Variants in ARAP2 observed in about 807,000 individuals in gnomAD.
The protein encoded by ARAP2 is ArfGAP with RhoGAP domain, ankyrin repeat and PH domain 2.
Under a neutral mutation model 194.5 loss-of-function variants are expected in ARAP2, and 148 were observed. The observed-to-expected ratio is 0.76, with a 90% CI of 0.67 to 0.87. The LOEUF (loss-of-function observed/expected upper bound fraction) is 0.87, where lower values mean the gene tolerates loss of function less well. ARAP2 is among the 40% of genes least tolerant of loss of function. ARAP2 has a pLI of 0.00. For synonymous variants in ARAP2, 695 were observed against 683.5 expected, an observed-to-expected ratio of 1.02 and a Z score of -0.26; for missense variants, 2,128 against 1,989.7, an observed-to-expected ratio of 1.07 and a Z score of -1.32.
intron 8 of ARAP2, among the ~76,000 whole-genome samples, chr4:36,183,263 G>A (rs1433370434): frequency 1.4e-5 from 2 of 148,098 alleles, no homozygotes; most frequent in African/African-American, 5.0e-5. Flanking sequence ...ACTAAGGGGG[G>A]CATTCTTATG....
At chr4:36,006,369 A>T (rs890939478) in intron 10 of ARAP2, 1 of 152,222 alleles carries the variant, frequency 6.6e-6, no homozygotes, top group Non-Finnish European at 1.5e-5. Context: ...GCTGTCATAA[A>T]CACTTGAGGA....
chr4:36,147,375 A>G lies in ARAP2; in HGVS notation c.3200-16T>C. 6.2e-7 allele frequency: 1 copy of G among 1,612,100 alleles called. No homozygotes were observed. The highest frequency in any genetic ancestry group is 8.5e-7 in the Non-Finnish European group (1 of 1,178,678). On this transcript the variant is annotated splice_polypyrimidine_tract_variant and intron_variant, in intron 18 of 32. Transcript: ENST00000303965. The stretch of plus-strand genomic sequence containing the variant: ...GTGCTGATTGCTGAAGGGAGAATGA[A>G]AAGCAAAAATTTATTTTTTAAAACA...
chr4:36,084,445 C>A (rs1158207669), intron 28 of ARAP2, among the ~76,000 whole-genome samples: 1 of 151,930 alleles, frequency 6.6e-6, no homozygotes, highest in Admixed American at 6.6e-5. Flanking sequence ...GATTTTGCCA[C>A]CAAATGAGCT....
chr4:36,006,483 T>C (rs1047247636), intron 10 of ARAP2: 1 of 152,186 alleles, frequency 6.6e-6, no homozygotes, highest in Non-Finnish European at 1.5e-5. Context: ...GTAGAACTAA[T>C]AATTGAAGCA....
chr4:36,129,844 TAC>T (rs61090034), intron 20 of ARAP2, among the ~76,000 whole-genome samples: 23 of 150,748 alleles, frequency 1.5e-4, no homozygotes, highest in African/African-American at 4.9e-4. Flanking sequence ...ACATGCAACA[TAC>T]ACACACACAC....
At chr4:36,121,733 GTCAT>G (rs1156837849) in intron 22 of ARAP2, among the ~76,000 whole-genome samples, 1 of 151,656 alleles carries the variant, frequency 6.6e-6, no homozygotes, top group South Asian at 2.1e-4. Context: ...AAAAAGGTAG[GTCAT>G]TAGACATATA....
chr4:36,182,902 A>G (rs1308730093), intron 8 of ARAP2, among the ~76,000 whole-genome samples: 4 of 152,176 alleles, frequency 2.6e-5, no homozygotes, highest in East Asian at 1.9e-4. Context: ...CCATGTTGGC[A>G]TGTCAAGTAG....
At chr4:36,091,731 C>A in intron 28 of ARAP2, 150 bp downstream of exon 28, 1 of 858,758 alleles carries the variant, frequency 1.2e-6, no homozygotes, top group Non-Finnish European at 1.6e-6. Flanking sequence ...GCATTAATAT[C>A]TTATACCATA....
rs1345110217 is a variant in ARAP2 at position 36,164,958 on chromosome 4, C to T, written c.2129G>A (p.Trp710Ter). The T allele has an allele frequency of 6.2e-7, 1 of 1,614,118 alleles. No individual in the cohort carries two copies. Residue 710 changes from tryptophan (W) to a stop codon, truncating the protein, a stop_gained, in exon 11 of 33, where the codon TGG becomes TAG. Coordinates refer to ENST00000303965, the MANE Select transcript of ARAP2 (RefSeq NM_015230.4). LOFTEE classifies it high-confidence loss of function. ...GACAACACAGAGATTGATGGATGCC[C>T]AGTCAGGATCTGGGGCTTTACAATC... Reference protein sequence around the residue: ...CADCKAPDPDWASINLCVVIC... With the variant: ...CADCKAPDPD
intron 5 of ARAP2, among the ~76,000 whole-genome samples, chr4:36,034,623 T>C (rs1180065302): frequency 2.0e-5 from 3 of 152,000 alleles, no homozygotes; most frequent in African/African-American, 7.2e-5. Flanking sequence ...TCTTATTTGC[T>C]GGATATGGCT....
In ARAP2 at chr4:36,177,982, T is replaced by G. The variant is rs199846587; in HGVS notation, c.1702A>C (p.Ile568Leu). 20 of 1,605,364 alleles carry G rather than the reference T, an allele frequency of 1.2e-5. No homozygotes were observed. Among genetic ancestry groups the G allele is most frequent in the Non-Finnish European group, 1.5e-5 (18 of 1,177,174 alleles). Residue 568 changes from isoleucine (I) to leucine (L), a missense_variant, in exon 9 of 33, where the codon ATA becomes CTA. Physicochemically the swap from Ile to Leu is conservative, Grantham distance 5. Transcript: ENST00000303965. The stretch of plus-strand genomic sequence containing the variant: ...TGTGATTTCAGTGCATTTAATAGTA[T>G]GCTGATCCAGTCATTTCTCTCCTCT... ...KEEERNDWIS[I>L]LLNALKSQSL...
chr4:36,108,465 T>C (rs1255536247), intron 26 of ARAP2, among the ~76,000 whole-genome samples: 1 of 151,938 alleles, frequency 6.6e-6, no homozygotes, highest in Non-Finnish European at 1.5e-5. Flanking sequence ...TAAAATCATT[T>C]ACAAAATAGT....
At chr4:36,073,863 A>T in intron 31 of ARAP2, 40 bp from the exon 32 acceptor site, 1 of 1,610,038 alleles carries the variant, frequency 6.2e-7, no homozygotes, top group Non-Finnish European at 8.5e-7. Context: ...GTGTGATTTT[A>T]TTATGTGGTA....
chr4:36,011,076 A>G (rs1392047856), intron 9 of ARAP2, among the ~76,000 whole-genome samples: 1 of 152,130 alleles, frequency 6.6e-6, no homozygotes, highest in African/African-American at 2.4e-5. Context: ...AAGTGTCTTG[A>G]TCCAGCAATG....
chr4:36,199,645 T>C (rs1327281315), intron 6 of ARAP2, among the ~76,000 whole-genome samples: 1 of 152,180 alleles, frequency 6.6e-6, no homozygotes, highest in African/African-American at 2.4e-5. Context: ...CCAGTCCCTG[T>C]TAATCACCAT....
At chr4:36,138,399 C>T (rs950821640) in intron 19 of ARAP2, among the ~76,000 whole-genome samples, 2 of 151,714 alleles carry the variant, frequency 1.3e-5, no homozygotes, top group Admixed American at 1.3e-4. Context: ...TAGGCAAGAA[C>T]TTATCTGCCT....
At chr4:36,217,648 C>T (rs1748238403) in intron 2 of ARAP2, among the ~76,000 whole-genome samples, 1 of 150,914 alleles carries the variant, frequency 6.6e-6, no homozygotes, top group Admixed American at 6.6e-5. Context: ...CAAAATGAAA[C>T]ATTAAAATGG....
chr4:36,116,871 A>C lies in ARAP2; in HGVS notation c.4038+190T>G, dbSNP rs528847905. Reference sequence around the variant, plus strand: ...TCTTAACACGTAATCCAAAGCACATAAGATGTTCTCTTTCCAAACGATCAA... The same window carrying C: ...TCTTAACACGTAATCCAAAGCACATCAGATGTTCTCTTTCCAAACGATCAA... On this transcript the variant is annotated intron_variant, in intron 25 of 32. Coordinates refer to ENST00000303965, the MANE Select transcript of ARAP2 (RefSeq NM_015230.4). 4.6e-5 allele frequency among the ~76,000 whole-genome samples: 7 copies of C among 151,906 alleles called. No homozygotes were observed. The South Asian group carries it at 1.5e-3, about 31-fold the overall frequency.
At chr4:36,115,903 G>A (rs144584120) in intron 25 of ARAP2, among the ~76,000 whole-genome samples, 321 of 152,058 alleles carry the variant, frequency 2.1e-3, no homozygotes, top group African/African-American at 7.2e-3. Flanking sequence ...GATAACATAA[G>A]AACATGGCTC....
Sources: gnomAD v4.1 joint callset for allele counts (sites outside exome capture counted in the v4.1 genomes callset) on GRCh38, gnomAD v4.1.1 for gene constraint, MANE v1.5 for transcripts, NCBI Gene and HGNC (gene_info 2026-07-23, HGNC 2026-07-21) for gene names.